The following NBAS variants were observed in gnomAD, a reference collection of about 807,000 sequenced individuals.
NBAS encodes the protein NBAS subunit of NRZ tethering complex, also known as NAG/BC035112 fusion.
NBAS carries 219 observed loss-of-function variants against 302.5 expected under a neutral mutation model. That is an observed-to-expected ratio of 0.72 (90% CI 0.65 to 0.81). The LOEUF (loss-of-function observed/expected upper bound fraction) is 0.81. Among genes scored for constraint, NBAS ranks in the 30% least tolerant of loss-of-function variants. NBAS has a pLI of 0.00. For missense variants in NBAS, 2,932 were observed against 2,841.6 expected (o/e 1.03, Z -0.72); for synonymous variants, 1,118 against 1,021.6 (o/e 1.09, Z -1.80).
intron 28 of NBAS, among the ~76,000 whole-genome samples, chr2:15,388,289 AT>A (rs1177649457): frequency 4.6e-5 from 7 of 152,124 alleles, no homozygotes; most frequent in Non-Finnish European, 1.0e-4. Context: ...TTTCCACTTC[AT>A]TAGTCCTGCA....
At chr2:15,326,447 A>G (rs1169683283) in intron 38 of NBAS, among the ~76,000 whole-genome samples, 1 of 152,216 alleles carries the variant, frequency 6.6e-6, no homozygotes, top group African/African-American at 2.4e-5. Flanking sequence ...TCCACATCCA[A>G]CCTAGTATTT....
intron 32 of NBAS, among the ~76,000 whole-genome samples, chr2:15,363,378 CTT>C (rs1674035127): frequency 6.6e-6 from 1 of 152,144 alleles, no homozygotes; most frequent in Admixed American, 6.5e-5. Context: ...ATTCCTTTCT[CTT>C]ATGTTATCAG....
At chr2:15,286,152 C>T (rs906564152) in intron 42 of NBAS, among the ~76,000 whole-genome samples, 2 of 152,192 alleles carry the variant, frequency 1.3e-5, no homozygotes, top group Admixed American at 6.5e-5. Context: ...ATCTATTTCA[C>T]CTTTTAAATA....
At chr2:15,359,971 T>G (rs1469532211) in intron 32 of NBAS, among the ~76,000 whole-genome samples, 3 of 152,194 alleles carry the variant, frequency 2.0e-5, no homozygotes, top group Non-Finnish European at 4.4e-5. Context: ...GCTATATATA[T>G]GGTATAGCTC....
the NBAS span, among the ~76,000 whole-genome samples, chr2:15,022,033 GGAGT>G: frequency 6.6e-6 from 1 of 152,182 alleles, no homozygotes; most frequent in Admixed American, 6.5e-5. Flanking sequence ...GTCACTTGAT[GGAGT>G]GAGAGAAGCA....
At chr2:14,969,783 A>C in the NBAS span, among the ~76,000 whole-genome samples, 3 of 152,160 alleles carry the variant, frequency 2.0e-5, no homozygotes, top group Non-Finnish European at 4.4e-5. Context: ...TTCAATCCAC[A>C]CATCCTTTCA....
At chr2:15,219,916 C>A (rs1267649874) in intron 47 of NBAS, among the ~76,000 whole-genome samples, 1 of 147,804 alleles carries the variant, frequency 6.8e-6, no homozygotes, top group Non-Finnish European at 1.5e-5. Context: ...CAGAAGCGCC[C>A]CTCACCTCCC....
chr2:15,298,406 C>T (rs1402113252), intron 40 of NBAS, among the ~76,000 whole-genome samples: 1 of 152,164 alleles, frequency 6.6e-6, no homozygotes, highest in Non-Finnish European at 1.5e-5. Flanking sequence ...GGGAAAAACA[C>T]AGGAGTTGGC....
intron 44 of NBAS, among the ~76,000 whole-genome samples, chr2:15,242,733 T>G (rs72776631): frequency 0.13 from 19,229 of 151,870 alleles, 1,636 homozygotes; most frequent in East Asian, 0.35. Context: ...CATTAACATG[T>G]CATTCATGTA....
intron 25 of NBAS, among the ~76,000 whole-genome samples, chr2:15,409,167 ACG>A (rs1159759129): frequency 1.3e-5 from 2 of 152,204 alleles, no homozygotes; most frequent in African/African-American, 4.8e-5. Flanking sequence ...TTTCAGATTT[ACG>A]GTTTTCCTTT....
chr2:14,956,472 G>A, the NBAS span, among the ~76,000 whole-genome samples: 1,517 of 152,232 alleles, frequency 1.0e-2, 22 homozygotes, highest in African/African-American at 0.034. Context: ...CCCACGCTCT[G>A]TAGTACCAAT....
chr2:15,275,367 A>G, intron 44 of NBAS, 117 bp downstream of exon 44: 2 of 1,247,518 alleles, frequency 1.6e-6, no homozygotes, highest in Non-Finnish European at 2.2e-6. Flanking sequence ...AACTTTTTAA[A>G]AAGCCAACAT....
chr2:14,991,283 A>G, the NBAS span, among the ~76,000 whole-genome samples: 1 of 152,158 alleles, frequency 6.6e-6, no homozygotes, highest in African/African-American at 2.4e-5. Flanking sequence ...ATTTAAAAAA[A>G]AAACCCACCT....
the NBAS span, among the ~76,000 whole-genome samples, chr2:15,008,251 G>A: frequency 3.3e-5 from 5 of 152,208 alleles, no homozygotes; most frequent in African/African-American, 2.4e-5. Flanking sequence ...GGGTTCCTTA[G>A]TCACAGAGAC....
chr2:15,068,841 T>G, the NBAS span, among the ~76,000 whole-genome samples: 1 of 152,212 alleles, frequency 6.6e-6, no homozygotes, highest in Admixed American at 6.5e-5. Context: ...ACCTGAAACT[T>G]GGTAATTTAT....
chr2:14,821,178 G>T, the NBAS span, among the ~76,000 whole-genome samples: 1 of 152,012 alleles, frequency 6.6e-6, no homozygotes, highest in Admixed American at 6.6e-5. Flanking sequence ...CGCCCGCCTC[G>T]CCTCCCGAAG....
chr2:14,790,372 C>G, the NBAS span, among the ~76,000 whole-genome samples: 1 of 152,186 alleles, frequency 6.6e-6, no homozygotes, highest in African/African-American at 2.4e-5. Flanking sequence ...TTTGAGCCAG[C>G]CTCTGTGACA....
At chr2:15,013,220 T>C in the NBAS span, among the ~76,000 whole-genome samples, 1 of 152,150 alleles carries the variant, frequency 6.6e-6, no homozygotes, top group Non-Finnish European at 1.5e-5. Flanking sequence ...GACTCTTACA[T>C]GTGGAAGTGA....
rs78237043 is a variant in NBAS at position 15,462,880 on chromosome 2, G to A, written c.2098-1089C>T. Among the ~76,000 whole-genome samples, 704 of 152,288 alleles carry A rather than the reference G, an allele frequency of 4.6e-3. 7 individuals carry two copies. Among genetic ancestry groups the A allele is most frequent in the African/African-American group, 0.016 (676 of 41,568 alleles). ...TATTTAAAGGATGAACAAGGAAAAG[G>A]GAACCTGCATCTGAAAAGTAGATGG... is the stretch of plus-strand genomic sequence containing the variant. On this transcript the variant is annotated intron_variant, in intron 19 of 51. Transcript: ENST00000281513.
Sources: allele counts gnomAD v4.1 joint callset (sites outside exome capture counted in the v4.1 genomes callset), GRCh38; gene constraint gnomAD v4.1.1; transcripts MANE v1.5; gene names NCBI Gene and HGNC (gene_info 2026-07-23, HGNC 2026-07-21).